Variants in TBCE observed in about 807,000 individuals in gnomAD.
TBCE encodes the protein tubulin folding cofactor E.
A neutral mutation model predicts 77.0 loss-of-function variants in TBCE; 53 were observed. The observed-to-expected ratio is 0.69, with a 90% CI of 0.55 to 0.87. TBCE has a LOEUF of 0.87. TBCE is among the 40% of genes least tolerant of loss of function. The probability of loss-of-function intolerance (pLI) is 0.00; values close to 1 mark genes in which losing one functional copy is unlikely to be tolerated. For missense variants in TBCE, 624 were observed against 622.4 expected (o/e 1.00, Z -0.03); for synonymous variants, 235 against 241.3 (o/e 0.97, Z 0.24).
intron 6 of TBCE, chr1:235,429,588 TA>T (rs1680968751): frequency 6.6e-6 from 1 of 152,238 alleles, no homozygotes; most frequent in Non-Finnish European, 1.5e-5. Flanking sequence ...GGATACTGTT[TA>T]ATTCTGTTTT....
At chr1:235,433,056 C>T (rs1470018462) in intron 7 of TBCE, 7 of 1,553,554 alleles carry the variant, frequency 4.5e-6, no homozygotes, top group Admixed American at 1.9e-5. Context: ...ACTGCATCAT[C>T]AGTGCCAAGG....
intron 13 of TBCE, 29 bp from the exon 14 acceptor site, chr1:235,441,785 T>C (rs1681894654): frequency 6.2e-7 from 1 of 1,606,050 alleles, no homozygotes; most frequent in East Asian, 2.2e-5. Flanking sequence ...CTTTGGTTTA[T>C]CATTCATCTC....
intron 16 of TBCE, 76 bp from the exon 17 acceptor site, chr1:235,448,594 G>A (rs1457181981): frequency 3.4e-5 from 47 of 1,401,526 alleles, no homozygotes; most frequent in South Asian, 9.2e-5. Context: ...GGGACGGGGT[G>A]GGGGAAGAGT....
intron 2 of TBCE, among the ~76,000 whole-genome samples, chr1:235,391,537 A>G (rs908019616): frequency 2.0e-5 from 3 of 150,350 alleles, no homozygotes; most frequent in Non-Finnish European, 4.4e-5. Context: ...GGACACCTGT[A>G]TATGCTTGTC....
Position 235,419,552 on chromosome 1 carries a change from G to T in TBCE, c.451G>T (p.Ala151Ser), listed in dbSNP as rs1680282554. 1 of 1,613,922 alleles carries T rather than the reference G, an allele frequency of 6.2e-7. No individual in the cohort carries two copies. Among genetic ancestry groups the T allele is most frequent in the African/African-American group, 1.3e-5 (1 of 74,882 alleles). Residue 151 changes from alanine (A) to serine (S), a missense_variant, in exon 5 of 17, where the codon GCA becomes TCA. Physicochemically the swap from Ala to Ser is moderately conservative, Grantham distance 99 (BLOSUM62 1). Coordinates refer to ENST00000642610, the MANE Select transcript of TBCE (RefSeq NM_003193.5). ...TGGTGAAAAAGGAGGAGTTGCTGAAGCATGTCCTAGTATCCTTTTCACCGA... is the reference window on the plus strand; with the variant it reads ...TGGTGAAAAAGGAGGAGTTGCTGAATCATGTCCTAGTATCCTTTTCACCGA... ...CAGEKGGVAEACPNIRKVDLS... is the reference protein window; with the variant it reads ...CAGEKGGVAESCPNIRKVDLS...
rs765411819 is a variant in TBCE, at chr1:235,430,817, C to A, written c.660+13C>A. The A allele has an allele frequency of 1.0e-5, 16 of 1,602,238 alleles. No homozygotes were observed. In the South Asian group the frequency reaches 1.8e-4, roughly 18 times the overall value. On this transcript the variant is annotated intron_variant, in intron 7 of 16. Coordinates refer to ENST00000642610, the MANE Select transcript of TBCE (RefSeq NM_003193.5). Reference sequence around the variant, plus strand: ...AACGTGGGCTGAGGTAATCATATTTCTTTGTTTTATTACACATTAATAAGC... The same window carrying A: ...AACGTGGGCTGAGGTAATCATATTTATTTGTTTTATTACACATTAATAAGC...
At chr1:235,435,945 A>T in intron 9 of TBCE, 105 bp downstream of exon 9, 2 of 1,042,420 alleles carry the variant, frequency 1.9e-6, no homozygotes, top group Non-Finnish European at 2.9e-6. Context: ...GGTAACAATG[A>T]TGGAATTTCT....
intron 1 of TBCE, among the ~76,000 whole-genome samples, chr1:235,369,461 C>G (rs7523916): frequency 1.3e-5 from 2 of 151,278 alleles, no homozygotes; most frequent in Non-Finnish European, 2.9e-5. Context: ...GAGCCGAGAT[C>G]GTGCCACTGC....
chr1:235,435,631 A>G, intron 8 of TBCE, 114 bp from the exon 9 acceptor site: 1 of 976,420 alleles, frequency 1.0e-6, no homozygotes, highest in Non-Finnish European at 1.6e-6. Flanking sequence ...AGTCATATTT[A>G]CTTGCTTCTT....
chr1:235,448,478 T>G (rs1304731257), intron 16 of TBCE, 38 bp downstream of exon 16: 1 of 1,579,538 alleles, frequency 6.3e-7, no homozygotes, highest in Admixed American at 1.7e-5. Context: ...AAAGTCAAGC[T>G]TAGTCCTCGT....
chr1:235,404,411 G>A (rs1248282311), intron 3 of TBCE, among the ~76,000 whole-genome samples: 2 of 151,438 alleles, frequency 1.3e-5, no homozygotes, highest in Non-Finnish European at 2.9e-5. Flanking sequence ...AACACAATGA[G>A]ATCTCATCAT....
intron 4 of TBCE, 64 bp downstream of exon 4, chr1:235,414,682 AC>A (rs1376987022): frequency 6.6e-7 from 1 of 1,513,434 alleles, no homozygotes; most frequent in Non-Finnish European, 9.1e-7. Flanking sequence ...GAATTGAAAT[AC>A]CCATGACTGT....
In TBCE at chr1:235,433,942, C is replaced by T. The variant is rs1195484341; in HGVS notation, c.661-262C>T. ...CTGTTCCACCTCGTAGCTGCTTTAC[C>T]TAAACCATGCATTGACACGTACCTC... is the stretch of plus-strand genomic sequence containing the variant. On this transcript the variant is annotated intron_variant, in intron 7 of 16. Transcript: ENST00000642610. 2.8e-5 allele frequency: 15 copies of T among 542,144 alleles called. 1 individual carries two copies. Among genetic ancestry groups the T allele is most frequent in the South Asian group, 2.4e-4 (11 of 46,148 alleles). 33.6% of individuals were successfully genotyped at this position (542,144 alleles called of 1,614,324 possible). A position where few individuals can be genotyped will look rare whatever the true frequency, so the allele number is the denominator to read the frequency against.
chr1:235,389,415 C>T (rs1678236681), intron 2 of TBCE, among the ~76,000 whole-genome samples: 1 of 152,120 alleles, frequency 6.6e-6, no homozygotes, highest in Non-Finnish European at 1.5e-5. Flanking sequence ...GTAACCTCTG[C>T]CTCCTGGGTT....
chr1:235,389,548 G>A (rs890028697), intron 2 of TBCE, among the ~76,000 whole-genome samples: 2 of 152,044 alleles, frequency 1.3e-5, no homozygotes, highest in Non-Finnish European at 2.9e-5. Context: ...GGCCAGGCTG[G>A]TCTCAAACAC....
intron 1 of TBCE, among the ~76,000 whole-genome samples, chr1:235,376,129 C>T (rs186099059): frequency 6.2e-4 from 94 of 152,038 alleles, no homozygotes; most frequent in African/African-American, 2.0e-3. Context: ...TCTCATTGGT[C>T]ATGTCTGTGG....
chr1:235,429,948 C>T (rs936003714), intron 6 of TBCE: 1 of 152,310 alleles, frequency 6.6e-6, no homozygotes, highest in African/African-American at 2.4e-5. Flanking sequence ...GAACTCCTGA[C>T]CTCAGGTGAT....
intron 5 of TBCE, among the ~76,000 whole-genome samples, chr1:235,424,588 C>T (rs891818099): frequency 2.0e-5 from 3 of 151,648 alleles, no homozygotes; most frequent in Non-Finnish European, 4.4e-5. Context: ...TCACTGTTAC[C>T]TCCGCCTCCC....
chr1:235,440,044 C>T (rs1048035804), intron 13 of TBCE, among the ~76,000 whole-genome samples: 1 of 152,160 alleles, frequency 6.6e-6, no homozygotes, highest in Admixed American at 6.5e-5. Context: ...GATCTCCGCT[C>T]ACTGCAAGCT....
Sources: gnomAD v4.1 joint callset for allele counts (sites outside exome capture counted in the v4.1 genomes callset) on GRCh38, gnomAD v4.1.1 for gene constraint, MANE v1.5 for transcripts, NCBI Gene and HGNC (gene_info 2026-07-23, HGNC 2026-07-21) for gene names.